CELF2: variants seen among roughly 807,000 people sequenced by gnomAD.
CELF2 encodes the protein CUGBP Elav-like family member 2, also known as CUG triplet repeat RNA-binding protein 2.
Under a neutral mutation model 62.6 loss-of-function variants are expected in CELF2, and 8 were observed. That is an observed-to-expected ratio of 0.13 (90% CI 0.07 to 0.23). The LOEUF (loss-of-function observed/expected upper bound fraction) is 0.23. Ranked by LOEUF, CELF2 falls within the 10% of genes least tolerant of loss-of-function variation. The pLI is 1.00. For synonymous variants in CELF2, 258 were observed against 250.0 expected (o/e 1.03, Z -0.30); for missense variants, 333 against 671.0 (o/e 0.50, Z 5.56).
At chr10:11,130,959 A>G (rs771290324) in intron 1 of CELF2, among the ~76,000 whole-genome samples, 5 of 152,270 alleles carry the variant, frequency 3.3e-5, no homozygotes, top group Non-Finnish European at 7.3e-5. Context: ...TTGCATATTA[A>G]CAAAGAGACG....
chr10:11,018,418 G>T (rs1004845839), intron 1 of CELF2, among the ~76,000 whole-genome samples: 3 of 151,614 alleles, frequency 2.0e-5, no homozygotes, highest in African/African-American at 7.3e-5. Context: ...ACCGGGCGGG[G>T]TCCGCGAGTC....
At chr10:10,720,932 A>G in the CELF2 span, among the ~76,000 whole-genome samples, 1 of 152,250 alleles carries the variant, frequency 6.6e-6, no homozygotes, top group South Asian at 2.1e-4. Context: ...ATATGAATGC[A>G]AATCCTAGAA....
intron 2 of CELF2, among the ~76,000 whole-genome samples, chr10:11,192,622 G>A (rs1043616710): frequency 6.6e-6 from 1 of 152,236 alleles, no homozygotes; most frequent in Non-Finnish European, 1.5e-5. Context: ...ATTTTGGAAA[G>A]CAGTGAGGGA....
chr10:10,759,143 T>A, the CELF2 span, among the ~76,000 whole-genome samples: 1 of 152,104 alleles, frequency 6.6e-6, no homozygotes, highest in Non-Finnish European at 1.5e-5. Flanking sequence ...TGCAAATGCA[T>A]CATTGAACAA....
the CELF2 span, among the ~76,000 whole-genome samples, chr10:10,506,056 A>C: frequency 6.6e-6 from 1 of 151,090 alleles, no homozygotes; most frequent in Non-Finnish European, 1.5e-5. Flanking sequence ...CCATTTGCCC[A>C]GAAGCAGAAG....
chr10:10,593,633 G>A, the CELF2 span, among the ~76,000 whole-genome samples: 6 of 152,194 alleles, frequency 3.9e-5, no homozygotes, highest in African/African-American at 1.4e-4. Flanking sequence ...CAAAAGGGAA[G>A]ACCATTGAGG....
In CELF2 at chr10:11,008,904, A is replaced by G. The variant is rs2055833848; in HGVS notation, c.53+3464A>G. On this transcript the variant is annotated intron_variant, in intron 1 of 12. Coordinates refer to the CELF2 transcript ENST00000416382. This position sits in a 1 kb window ranked among gnomAD's most constrained non-coding sequence, Gnocchi z 4.5. ...TTGATCTGTACTTTCTGGAACAGTA[A>G]TGAGCACAAGTCCATTCAGTGGCAA... Among the ~76,000 whole-genome samples, 1 of 150,010 alleles carries G rather than the reference A, an allele frequency of 6.7e-6. No individual in the cohort carries two copies. The highest frequency in any genetic ancestry group is 1.5e-5 in the Non-Finnish European group (1 of 67,846).
In CELF2 at chr10:11,057,869, C is replaced by T. The variant is rs139998367; in HGVS notation, c.74+39706C>T. 4.3e-4 allele frequency among the ~76,000 whole-genome samples: 65 copies of T among 152,250 alleles called. No individual in the cohort carries two copies. In the East Asian group the frequency reaches 0.012, roughly 28 times the overall value. On this transcript the variant is annotated intron_variant, in intron 1 of 12. Coordinates refer to ENST00000633077, the MANE Select transcript of CELF2 (RefSeq NM_001326342.2). ...CCAACAAGATTCTGACATTTGCTAGCGGTCTACCACAAAGAACAATTATAT... is the reference window on the plus strand; with the variant it reads ...CCAACAAGATTCTGACATTTGCTAGTGGTCTACCACAAAGAACAATTATAT...
rs144718104 is a variant in CELF2 at position 11,307,072 on chromosome 10, A to C, written c.977-7067A>C. ...CATTGGGAGTCAGCCACATGAGAGC[A>C]GTGTGTGGCATCAACACACCTGTTT... On this transcript the variant is annotated intron_variant, in intron 9 of 12. Coordinates refer to ENST00000633077, the MANE Select transcript of CELF2 (RefSeq NM_001326342.2). Among the ~76,000 whole-genome samples, 47 of 152,330 alleles carry C rather than the reference A, an allele frequency of 3.1e-4. 1 individual carries two copies. In the East Asian group the frequency reaches 8.5e-3, roughly 27 times the overall value.
At position 11,057,060 on chromosome 10, in the gene CELF2, A is replaced by G. The variant is rs114304302; in HGVS notation, c.74+38897A>G. On this transcript the variant is annotated intron_variant, in intron 1 of 12. Transcript: ENST00000633077. ...TTGGAGGGGAGGCTGTGCTGGGGCA[A>G]TTAGTGAGCAGCCGTGCCTGGAGGC... Among the ~76,000 whole-genome samples the G allele has an allele frequency of 1.9e-3, 291 of 152,294 alleles. 2 individuals are homozygous for G. Among genetic ancestry groups the G allele is most frequent in the African/African-American group, 6.7e-3 (280 of 41,568 alleles).
At chr10:11,131,465 C>T (rs1014348706) in intron 1 of CELF2, among the ~76,000 whole-genome samples, 2 of 152,218 alleles carry the variant, frequency 1.3e-5, no homozygotes, top group African/African-American at 4.8e-5. Flanking sequence ...ACTTGATAAA[C>T]CTGTTCTGAA....
chr10:11,095,042 T>C (rs2049409621), intron 1 of CELF2, among the ~76,000 whole-genome samples: 1 of 152,208 alleles, frequency 6.6e-6, no homozygotes, highest in Admixed American at 6.5e-5. Context: ...TTGAAGGTTG[T>C]TTATCATTCC....
chr10:11,036,753 G>A (rs1012826330), intron 1 of CELF2, among the ~76,000 whole-genome samples: 1 of 152,208 alleles, frequency 6.6e-6, no homozygotes, highest in Non-Finnish European at 1.5e-5. Context: ...AGATAGGCTT[G>A]TGCCTCATGG....
At chr10:10,725,230 A>T in the CELF2 span, among the ~76,000 whole-genome samples, 1 of 152,192 alleles carries the variant, frequency 6.6e-6, no homozygotes, top group Non-Finnish European at 1.5e-5. Flanking sequence ...TAATTACCTA[A>T]CAGTAATAAT....
chr10:10,659,663 A>G, the CELF2 span, among the ~76,000 whole-genome samples: 1 of 152,054 alleles, frequency 6.6e-6, no homozygotes. Context: ...CATACCCTAA[A>G]CAGAATTGAC....
intron 1 of CELF2, among the ~76,000 whole-genome samples, chr10:11,149,200 G>A (rs1596188678): frequency 6.6e-6 from 1 of 152,056 alleles, no homozygotes; most frequent in African/African-American, 2.4e-5. Context: ...CCTCCTGAGT[G>A]GCTGGGACTA....
intron 2 of CELF2, chr10:10,960,425 T>C (rs1328315869): frequency 1.3e-5 from 2 of 152,268 alleles, no homozygotes; most frequent in African/African-American, 4.8e-5. Context: ...AAGCTAGTTG[T>C]TAGAACATTC....
In CELF2 at chr10:11,255,808, A is replaced by G. The variant is rs550608015; in HGVS notation, c.404-1930A>G. ...CATGGATGACAAAACAGAGGTCCTC[A>G]GAGGTCAGCCTATTCTCCAAAGACA... On this transcript the variant is annotated intron_variant, in intron 4 of 12. Coordinates refer to ENST00000633077, the MANE Select transcript of CELF2 (RefSeq NM_001326342.2). This position sits in a 1 kb window ranked among gnomAD's most constrained non-coding sequence, Gnocchi z 5.5. Among the ~76,000 whole-genome samples the G allele has an allele frequency of 9.2e-5, 14 of 152,332 alleles. No individual in the cohort carries two copies. Among genetic ancestry groups the G allele is most frequent in the Non-Finnish European group, 1.8e-4 (12 of 68,022 alleles).
chr10:11,096,524 T>C (rs1307497467), intron 1 of CELF2: 5 of 152,046 alleles, frequency 3.3e-5, no homozygotes, highest in African/African-American at 1.2e-4. Flanking sequence ...AAATGGAAAA[T>C]AAAAGCAGTT....
Sources: gnomAD v4.1 joint callset for allele counts (sites outside exome capture counted in the v4.1 genomes callset) on GRCh38, gnomAD v4.1.1 for gene constraint, Gnocchi (gnomAD v3.1) non-coding constraint, MANE v1.5 for transcripts, NCBI Gene and HGNC (gene_info 2026-07-23, HGNC 2026-07-21) for gene names.